DLGAP2: variants seen among roughly 807,000 people sequenced by gnomAD.
DLGAP2 encodes the protein DLG associated protein 2, also known as disks large-associated protein 2.
A neutral mutation model predicts 100.3 loss-of-function variants in DLGAP2; 26 were observed. The observed-to-expected ratio is 0.26, with a 90% CI of 0.19 to 0.36. The LOEUF is 0.36. DLGAP2 is among the 10% of genes least tolerant of loss of function. The probability of loss-of-function intolerance (pLI) is 1.00; values close to 1 mark genes in which losing one functional copy is unlikely to be tolerated. For missense variants in DLGAP2, 1,858 were observed against 1,453.2 expected (o/e 1.28, Z -4.53); for synonymous variants, 886 against 630.1 (o/e 1.41, Z -6.08).
At chr8:1,614,827 C>A (rs916002520) in intron 6 of DLGAP2, among the ~76,000 whole-genome samples, 4 of 142,382 alleles carry the variant, frequency 2.8e-5, no homozygotes, top group Non-Finnish European at 5.9e-5. Flanking sequence ...GGAGCCCACA[C>A]ACACATGCAT....
intron 2 of DLGAP2, among the ~76,000 whole-genome samples, chr8:1,005,374 G>A (rs1313672336): frequency 1.4e-5 from 2 of 147,906 alleles, no homozygotes; most frequent in Non-Finnish European, 3.0e-5. Flanking sequence ...TGATGCCCAT[G>A]TTGTTTCCTG....
At chr8:1,622,191 T>C (rs1038716161) in intron 6 of DLGAP2, 6 of 152,234 alleles carry the variant, frequency 3.9e-5, no homozygotes, top group Non-Finnish European at 8.8e-5. Context: ...CCATTTTCCA[T>C]TGAATGCAGT....
intron 2 of DLGAP2, among the ~76,000 whole-genome samples, chr8:999,899 C>T (rs1409993939): frequency 6.6e-6 from 1 of 151,424 alleles, no homozygotes; most frequent in Non-Finnish European, 1.5e-5. Flanking sequence ...TAAGGATTTT[C>T]TCTAGAGCAG....
chr8:1,436,703 C>T (rs551799063), intron 3 of DLGAP2, among the ~76,000 whole-genome samples: 2 of 152,194 alleles, frequency 1.3e-5, no homozygotes, highest in East Asian at 1.9e-4. Context: ...TGTCTCGGGC[C>T]GCGCATTCAC....
intron 2 of DLGAP2, among the ~76,000 whole-genome samples, chr8:969,209 A>G (rs1432053205): frequency 2.0e-5 from 3 of 152,204 alleles, no homozygotes; most frequent in Non-Finnish European, 4.4e-5. Flanking sequence ...CAAGTCTGAG[A>G]GAATTCCTGC....
chr8:1,699,172 G>A (rs145104762), intron 14 of DLGAP2, among the ~76,000 whole-genome samples: 5 of 152,334 alleles, frequency 3.3e-5, no homozygotes, highest in East Asian at 3.9e-4. Flanking sequence ...GAGAGCAAAC[G>A]TGAGCCCATC....
rs1400146988 is a variant in DLGAP2 at position 1,254,955 on chromosome 8, TGTGTGTCCTCTCATCCTGTCCGGGTG to T, written c.74-3895_74-3870del. ...TGCCCTCTCCTGCCCGGGTGCTGTG[TGTGTGTCCTCTCATCCTGTCCGGGTG>T]CTGTGTGTGTGTCCTCTCATCCTGC... is the stretch of plus-strand genomic sequence containing the variant. On this transcript the variant is annotated intron_variant, in intron 2 of 14. Coordinates refer to ENST00000637795, the MANE Select transcript of DLGAP2 (RefSeq NM_001346810.2). 8.8e-4 allele frequency among the ~76,000 whole-genome samples: 125 copies of T among 141,684 alleles called. 3 individuals are homozygous for T. Among genetic ancestry groups the T allele is most frequent in the South Asian group, 2.6e-3 (11 of 4,230 alleles). The allele number at this position is 141,684 out of a possible 152,430, so 93.0% of individuals were successfully genotyped here. A position where few individuals can be genotyped will look rare whatever the true frequency, so the allele number is the denominator to read the frequency against.
intron 10 of DLGAP2, among the ~76,000 whole-genome samples, chr8:1,670,107 C>T (rs1319177331): frequency 6.6e-6 from 1 of 152,196 alleles, no homozygotes; most frequent in Non-Finnish European, 1.5e-5. Flanking sequence ...GGTGACTTCC[C>T]ATTGCCAGAC....
intron 2 of DLGAP2, among the ~76,000 whole-genome samples, chr8:1,185,671 G>T (rs555922271): frequency 6.6e-6 from 1 of 151,912 alleles, no homozygotes; most frequent in East Asian, 1.9e-4. Flanking sequence ...GCTAGTGGAA[G>T]AACAATGTAA....
chr8:870,603 C>A (rs978493816), intron 1 of DLGAP2, among the ~76,000 whole-genome samples: 23 of 152,168 alleles, frequency 1.5e-4, no homozygotes, highest in Non-Finnish European at 2.8e-4. Flanking sequence ...TCCTCAGGCA[C>A]AACACAGCCT....
At chr8:1,620,934 TC>T (rs1797312955) in intron 6 of DLGAP2, among the ~76,000 whole-genome samples, 1 of 152,104 alleles carries the variant, frequency 6.6e-6, no homozygotes, top group African/African-American at 2.4e-5. Context: ...AGAATGCCTT[TC>T]CCCCTTTACC....
chr8:1,346,500 C>A (rs1348428171), intron 3 of DLGAP2, among the ~76,000 whole-genome samples: 1 of 150,460 alleles, frequency 6.6e-6, no homozygotes, highest in Admixed American at 6.6e-5. Flanking sequence ...GCATTGCTCT[C>A]ATGATAGCTG....
Position 870,200 on chromosome 8 carries a change from C to T in DLGAP2, c.19-37712C>T, listed in dbSNP as rs576341555. 1.1e-4 allele frequency among the ~76,000 whole-genome samples: 16 copies of T among 152,188 alleles called. No homozygotes were observed. The South Asian group carries it at 2.9e-3, about 28-fold the overall frequency. ...TTTCCTCCAAAATGTGGATATTTTC[C>T]AAAGTTTTCTCGCCGATATTTCTCC... On this transcript the variant is annotated intron_variant, in intron 1 of 14. Transcript: ENST00000637795.
rs151281157 is a variant in DLGAP2 at position 1,535,624 on chromosome 8, G to T, written c.173-13002G>T. Among the ~76,000 whole-genome samples the T allele has an allele frequency of 2.5e-3, 386 of 152,322 alleles. 2 individuals carry two copies. The highest frequency in any genetic ancestry group is 8.6e-3 in the African/African-American group (358 of 41,572). On this transcript the variant is annotated intron_variant, in intron 4 of 14. Transcript: ENST00000637795. ...GGTTTTACCAAAAATGGCAAATGTG[G>T]AGTTATTTTTAAGGCATACTTCGTG...
intron 1 of DLGAP2, among the ~76,000 whole-genome samples, chr8:781,806 G>GT (rs911901408): frequency 6.6e-6 from 1 of 152,086 alleles, no homozygotes; most frequent in African/African-American, 2.4e-5. Context: ...GTTTGTTAGA[G>GT]TTTTTTTGCA....
intron 3 of DLGAP2, among the ~76,000 whole-genome samples, chr8:1,445,478 C>T (rs1032561044): frequency 6.6e-6 from 1 of 151,860 alleles, no homozygotes; most frequent in African/African-American, 2.4e-5. Flanking sequence ...TTTTCTTAAT[C>T]CAGTCTATCG....
At chr8:849,125 G>A (rs2055513) in intron 1 of DLGAP2, among the ~76,000 whole-genome samples, 1 of 151,246 alleles carries the variant, frequency 6.6e-6, no homozygotes, top group African/African-American at 2.4e-5. Flanking sequence ...GTCTGTTCTG[G>A]TATAGGATCA....
chr8:859,001 C>T (rs1226633159), intron 1 of DLGAP2, among the ~76,000 whole-genome samples: 1 of 152,108 alleles, frequency 6.6e-6, no homozygotes, highest in Non-Finnish European at 1.5e-5. Flanking sequence ...GAACTTTGTG[C>T]TCAACTTTTC....
At chr8:867,448 T>A (rs1161823963) in intron 1 of DLGAP2, among the ~76,000 whole-genome samples, 1 of 152,238 alleles carries the variant, frequency 6.6e-6, no homozygotes, top group African/African-American at 2.4e-5. Context: ...TAACAGGCGC[T>A]AATCCTTGAG....
Sources: allele counts gnomAD v4.1 joint callset (sites outside exome capture counted in the v4.1 genomes callset), GRCh38; gene constraint gnomAD v4.1.1; transcripts MANE v1.5; gene names NCBI Gene and HGNC (gene_info 2026-07-23, HGNC 2026-07-21).